MYO1E: variants seen among roughly 807,000 people sequenced by gnomAD.
The protein encoded by MYO1E is unconventional myosin-Ie.
In MYO1E, 68 loss-of-function variants were observed where a neutral mutation model predicts 151.1. The ratio of observed to expected loss-of-function variants is 0.45; its 90% CI spans 0.37 to 0.55. The LOEUF is 0.55. Ranked by LOEUF, MYO1E falls within the 20% of genes least tolerant of loss-of-function variation. MYO1E has a pLI of 0.00. For synonymous variants in MYO1E, 601 were observed against 501.7 expected (o/e 1.20, Z -2.64); for missense variants, 1,363 against 1,389.3 (o/e 0.98, Z 0.30).
At chr15:59,327,032 G>A (rs1478774174) in intron 1 of MYO1E, among the ~76,000 whole-genome samples, 3 of 152,220 alleles carry the variant, frequency 2.0e-5, no homozygotes, top group Non-Finnish European at 4.4e-5. Context: ...AGAGGAACTG[G>A]AACCTAGGTG....
intron 6 of MYO1E, among the ~76,000 whole-genome samples, chr15:59,228,894 GA>G (rs1341196716): frequency 6.6e-6 from 1 of 152,172 alleles, no homozygotes; most frequent in Non-Finnish European, 1.5e-5. Flanking sequence ...AAAGACCACC[GA>G]AGGCGGCCAG....
chr15:59,155,781 T>G (rs2079506281), intron 25 of MYO1E, among the ~76,000 whole-genome samples: 2 of 152,058 alleles, frequency 1.3e-5, no homozygotes, highest in Admixed American at 1.3e-4. Flanking sequence ...GAGAATTAGT[T>G]TCTCACTGCT....
At chr15:59,224,389 C>T (rs536245449) in intron 8 of MYO1E, among the ~76,000 whole-genome samples, 26 of 152,318 alleles carry the variant, frequency 1.7e-4, no homozygotes, top group African/African-American at 6.0e-4. Flanking sequence ...TAGAGTAGGC[C>T]ATCAGCAAAC....
chr15:59,323,981 A>G (rs2080645829), intron 1 of MYO1E, among the ~76,000 whole-genome samples: 2 of 146,582 alleles, frequency 1.4e-5, no homozygotes, highest in South Asian at 2.2e-4. Flanking sequence ...CAAAGGCAGG[A>G]AAAAAAAAAA....
rs2079532858 is a variant in MYO1E, at chr15:59,160,620, T to C, written c.2785+453A>G. 1.3e-5 allele frequency among the ~76,000 whole-genome samples: 2 copies of C among 151,974 alleles called. 1 individual carries two copies. Among genetic ancestry groups the C allele is most frequent in the South Asian group, 4.1e-4 (2 of 4,822 alleles). On this transcript the variant is annotated intron_variant, in intron 24 of 27. Coordinates refer to ENST00000288235, the MANE Select transcript of MYO1E (RefSeq NM_004998.4). ...TGTGTGTGGAGACAGGGTTTTGCCA[T>C]GTTACTCAGGCTGGTCTGGAACTCT...
At chr15:59,367,054 T>C (rs1290120319) in intron 1 of MYO1E, among the ~76,000 whole-genome samples, 4 of 145,078 alleles carry the variant, frequency 2.8e-5, no homozygotes, top group Admixed American at 2.8e-4. Flanking sequence ...ACCATGACTG[T>C]ACATAATTCC....
chr15:59,202,349 T>G lies in MYO1E; in HGVS notation c.1675A>C (p.Thr559Pro). Reference protein sequence around the residue: ...NLQADKKGRPTTAGSKIKKQA... With the variant: ...NLQADKKGRPPTAGSKIKKQA... ...ACCTTTATTTTGCTTCCGGCAGTAGTTGGGCGCCCTTTCTTGTCAGCCTGC... is the reference window on the plus strand; with the variant it reads ...ACCTTTATTTTGCTTCCGGCAGTAGGTGGGCGCCCTTTCTTGTCAGCCTGC... The change falls in exon 16 of 28, where the codon ACT (threonine) becomes CCT (proline). Residue 559 changes from threonine to proline, a missense_variant. By Grantham distance (38) the Thr-to-Pro change is conservative (BLOSUM62 -1). Transcript: ENST00000288235. The G allele has an allele frequency of 1.2e-6, 2 of 1,614,142 alleles. No homozygotes were observed. Among genetic ancestry groups the G allele is most frequent in the Non-Finnish European group, 1.7e-6 (2 of 1,179,970 alleles).
At chr15:59,281,616 T>C (rs776426147) in intron 1 of MYO1E, among the ~76,000 whole-genome samples, 7 of 151,534 alleles carry the variant, frequency 4.6e-5, no homozygotes, top group Non-Finnish European at 1.0e-4. Context: ...TATTGCAATC[T>C]TTCCTAAACC....
chr15:59,337,440 T>A (rs539126248), intron 1 of MYO1E, among the ~76,000 whole-genome samples: 1 of 152,350 alleles, frequency 6.6e-6, no homozygotes, highest in Admixed American at 6.5e-5. Flanking sequence ...ATAAAGCACA[T>A]GGTTTTATTC....
At chr15:59,274,179 T>C (rs1267465342) in intron 1 of MYO1E, among the ~76,000 whole-genome samples, 1 of 152,192 alleles carries the variant, frequency 6.6e-6, no homozygotes, top group South Asian at 2.1e-4. Flanking sequence ...TACAGTGTCA[T>C]GGGCTCCTGC....
chr15:59,216,685 TACACATACACACACACACACAC>T lies in MYO1E; in HGVS notation c.1107+1184_1107+1205del, dbSNP rs1346132252. 2.0e-3 allele frequency among the ~76,000 whole-genome samples: 78 copies of T among 38,656 alleles called. 3 individuals are homozygous for T. Among genetic ancestry groups the T allele is most frequent in the African/African-American group, 6.4e-3 (78 of 12,200 alleles). The allele number at this position is 38,656 out of a possible 152,430, so 25.4% of individuals were successfully genotyped here. On this transcript the variant is annotated intron_variant, in intron 10 of 27. Coordinates refer to ENST00000288235, the MANE Select transcript of MYO1E (RefSeq NM_004998.4). ...GTATGTGTATATATATATATATATATACACATACACACACACACACACACACACACACACACACATAATTATG... is the reference window on the plus strand; with the variant it reads ...GTATGTGTATATATATATATATATATACACACACACACACACATAATTATG...
chr15:59,310,295 G>A (rs893746456), intron 1 of MYO1E, among the ~76,000 whole-genome samples: 1 of 152,180 alleles, frequency 6.6e-6, no homozygotes, highest in Admixed American at 6.5e-5. Flanking sequence ...GTTGCACTGT[G>A]TTGCCTCCAA....
intron 6 of MYO1E, among the ~76,000 whole-genome samples, chr15:59,228,425 A>C (rs2080005195): frequency 6.6e-6 from 1 of 152,128 alleles, no homozygotes; most frequent in South Asian, 2.1e-4. Context: ...AGCCGAGATC[A>C]TGCCACTGAA....
chr15:59,262,494 G>T (rs2080229933), intron 2 of MYO1E, among the ~76,000 whole-genome samples: 1 of 152,050 alleles, frequency 6.6e-6, no homozygotes, highest in African/African-American at 2.4e-5. Context: ...CAGGCATGGG[G>T]GCGTGTGCCT....
chr15:59,150,544 G>A (rs1233190529), intron 26 of MYO1E, among the ~76,000 whole-genome samples: 1 of 152,210 alleles, frequency 6.6e-6, no homozygotes, highest in African/African-American at 2.4e-5. Flanking sequence ...GGTGCATTCT[G>A]TTGACTGCTT....
chr15:59,213,697 G>T (rs1048988425), intron 12 of MYO1E, among the ~76,000 whole-genome samples: 3 of 151,914 alleles, frequency 2.0e-5, no homozygotes, highest in African/African-American at 7.3e-5. Context: ...CCGGGCTCAA[G>T]CAATTCTCCC....
intron 26 of MYO1E, among the ~76,000 whole-genome samples, chr15:59,148,852 A>G (rs375587236): frequency 1.3e-5 from 2 of 152,038 alleles, no homozygotes; most frequent in South Asian, 2.1e-4. Flanking sequence ...AGTATCTTGA[A>G]ATTTCCTGAA....
At chr15:59,202,581 C>T (rs1010115217) in intron 15 of MYO1E, among the ~76,000 whole-genome samples, 174 bp from the exon 16 acceptor site, 3 of 152,048 alleles carry the variant, frequency 2.0e-5, no homozygotes, top group East Asian at 3.9e-4. Context: ...AAATGAACAA[C>T]GGACAAAAGT....
intron 18 of MYO1E, among the ~76,000 whole-genome samples, chr15:59,180,307 G>T (rs983870057): frequency 6.6e-6 from 1 of 152,178 alleles, no homozygotes; most frequent in Non-Finnish European, 1.5e-5. Flanking sequence ...GTGATTGGGG[G>T]AGTTAGTGAA....
Sources: gnomAD v4.1 joint callset for allele counts (sites outside exome capture counted in the v4.1 genomes callset) on GRCh38, gnomAD v4.1.1 for gene constraint, MANE v1.5 for transcripts, NCBI Gene and HGNC (gene_info 2026-07-23, HGNC 2026-07-21) for gene names.